Variants in SAMSN1 observed in about 807,000 individuals in gnomAD.
SAMSN1 encodes the protein SAM domain-containing protein SAMSN-1.
SAMSN1 carries 31 observed loss-of-function variants against 42.0 expected under a neutral mutation model. The ratio of observed to expected loss-of-function variants is 0.74; its 90% confidence interval spans 0.55 to 1.00. The LOEUF is 1.00. Among genes scored for constraint, SAMSN1 ranks in the 50% least tolerant of loss-of-function variants. The pLI is 0.00. For missense variants in SAMSN1, 464 were observed against 439.4 expected, an observed-to-expected ratio of 1.06 and a Z score of -0.50; for synonymous variants, 178 against 151.9, an observed-to-expected ratio of 1.17 and a Z score of -1.26.
intron 1 of SAMSN1, among the ~76,000 whole-genome samples, chr21:14,538,880 T>G (rs1299172927): frequency 6.6e-6 from 1 of 152,206 alleles, no homozygotes; most frequent in Non-Finnish European, 1.5e-5. Context: ...TTTCCAGAAC[T>G]GTCATTATTC....
At chr21:14,570,108 C>A (rs556768087) in intron 2 of SAMSN1, among the ~76,000 whole-genome samples, 1 of 152,038 alleles carries the variant, frequency 6.6e-6, no homozygotes, top group Non-Finnish European at 1.5e-5. Flanking sequence ...ACTAAGTGCC[C>A]TTTGCGGGTG....
intron 2 of SAMSN1, among the ~76,000 whole-genome samples, chr21:14,578,054 A>G (rs938706316): frequency 2.6e-5 from 4 of 152,308 alleles, no homozygotes; most frequent in East Asian, 1.9e-4. Flanking sequence ...AAATGTTCCA[A>G]TCTTACAGAC....
chr21:14,498,792 T>C (rs938214907), intron 6 of SAMSN1, among the ~76,000 whole-genome samples, 200 bp from the exon 7 acceptor site: 7 of 152,230 alleles, frequency 4.6e-5, no homozygotes, highest in African/African-American at 1.7e-4. Context: ...TCTCGCCTTT[T>C]GGAAGGCCAA....
In SAMSN1 at chr21:14,498,430, G is replaced by A. The variant is rs1425949482; in HGVS notation, c.919+12C>T. On this transcript the variant is annotated intron_variant, in intron 7 of 7. Transcript: ENST00000400566. ...TTATCAGCTGGGGAGAAGAGTAGGT[G>A]TACACACTTACTTTCTTCTTCAAGG... is the stretch of plus-strand genomic sequence containing the variant. 3 of 1,605,424 alleles carry A rather than the reference G, an allele frequency of 1.9e-6. No individual in the cohort carries two copies. In the South Asian group the frequency reaches 3.4e-5, roughly 18 times the overall value.
chr21:14,491,790 G>A (rs1423804672), intron 7 of SAMSN1, among the ~76,000 whole-genome samples: 1 of 152,052 alleles, frequency 6.6e-6, no homozygotes, highest in Non-Finnish European at 1.5e-5. Context: ...ATTTTCAGCT[G>A]TTTTTAAAAG....
At chr21:14,630,915 A>G (rs1256399660) in intron 2 of SAMSN1, among the ~76,000 whole-genome samples, 1 of 152,210 alleles carries the variant, frequency 6.6e-6, no homozygotes, top group Non-Finnish European at 1.5e-5. Flanking sequence ...GTTTAAGCCA[A>G]GTAAGAAATG....
At chr21:14,500,838 G>T in intron 5 of SAMSN1, 103 bp from the exon 6 acceptor site, 1 of 881,798 alleles carries the variant, frequency 1.1e-6, no homozygotes, top group Non-Finnish European at 1.8e-6. Flanking sequence ...ATGCTAAAGG[G>T]GTTCAGATAT....
intron 6 of SAMSN1, among the ~76,000 whole-genome samples, chr21:14,601,666 T>G (rs1270045324): frequency 1.3e-5 from 2 of 152,166 alleles, no homozygotes; most frequent in Non-Finnish European, 2.9e-5. Flanking sequence ...TAATGCAGTT[T>G]TGAAAGGGAT....
intron 1 of SAMSN1, among the ~76,000 whole-genome samples, chr21:14,529,599 G>A (rs906105502): frequency 4.6e-5 from 7 of 152,134 alleles, no homozygotes; most frequent in Admixed American, 3.3e-4. Context: ...GAATAAATAA[G>A]AATCAACCGT....
Position 14,489,080 on chromosome 21 carries a change from T to A in SAMSN1, c.920-2966A>T, listed in dbSNP as rs1175437815. Among the ~76,000 whole-genome samples, 3 of 152,192 alleles carry A rather than the reference T, an allele frequency of 2.0e-5. No individual in the cohort carries two copies. The East Asian group carries it at 5.8e-4, about 29-fold the overall frequency. ...GTTTCTTTCCTGCAGAGGAGATGAA[T>A]TCACATTAATGCATCCACATTTTCT... On this transcript the variant is annotated intron_variant, in intron 7 of 7. Coordinates refer to ENST00000400566, the MANE Select transcript of SAMSN1 (RefSeq NM_022136.5).
intron 3 of SAMSN1, among the ~76,000 whole-genome samples, chr21:14,513,421 G>A (rs1344358361): frequency 6.6e-6 from 1 of 152,128 alleles, no homozygotes; most frequent in Non-Finnish European, 1.5e-5. Context: ...GTACTGAGCA[G>A]TGTTCTTGGA....
chr21:14,499,861 A>G (rs1328983579), intron 6 of SAMSN1, among the ~76,000 whole-genome samples: 1 of 152,218 alleles, frequency 6.6e-6, no homozygotes, highest in African/African-American at 2.4e-5. Context: ...GTGAATTTTG[A>G]AAACTATCAA....
At chr21:14,509,101 C>A (rs1379044595) in intron 5 of SAMSN1, among the ~76,000 whole-genome samples, 1 of 147,138 alleles carries the variant, frequency 6.8e-6, no homozygotes, top group Non-Finnish European at 1.5e-5. Context: ...GGTGACAGAG[C>A]AAGACTCCAT....
intron 1 of SAMSN1, among the ~76,000 whole-genome samples, chr21:14,653,634 A>G (rs1983869202): frequency 1.3e-5 from 2 of 152,044 alleles, no homozygotes. Context: ...TACATTTTAA[A>G]ATAATTTAAA....
chr21:14,603,739 A>T (rs1320472086), intron 5 of SAMSN1, among the ~76,000 whole-genome samples: 1 of 152,194 alleles, frequency 6.6e-6, no homozygotes, highest in Non-Finnish European at 1.5e-5. Context: ...GTAAATATAA[A>T]TATCTACAGG....
intron 1 of SAMSN1, among the ~76,000 whole-genome samples, chr21:14,525,825 T>C (rs1978811988): frequency 6.6e-6 from 1 of 152,188 alleles, no homozygotes; most frequent in Admixed American, 6.5e-5. Flanking sequence ...ATATAATAGC[T>C]AAAATTATTT....
chr21:14,619,234 T>G (rs1347401997), intron 2 of SAMSN1, among the ~76,000 whole-genome samples: 2 of 152,244 alleles, frequency 1.3e-5, no homozygotes, highest in Non-Finnish European at 2.9e-5. Context: ...CTTTATTGCT[T>G]TGTAAACCTC....
chr21:14,535,800 T>C (rs1979572768), intron 1 of SAMSN1, among the ~76,000 whole-genome samples: 1 of 152,112 alleles, frequency 6.6e-6, no homozygotes, highest in Non-Finnish European at 1.5e-5. Flanking sequence ...CCTTGAAAGC[T>C]CTCTGTGAAA....
At chr21:14,494,564 G>T (rs1396098725) in intron 7 of SAMSN1, among the ~76,000 whole-genome samples, 2 of 152,100 alleles carry the variant, frequency 1.3e-5, no homozygotes, top group Non-Finnish European at 2.9e-5. Context: ...TCAGGGGGTG[G>T]GGGGCTAGGG....
Sources: gnomAD v4.1 joint callset for allele counts (sites outside exome capture counted in the v4.1 genomes callset) on GRCh38, gnomAD v4.1.1 for gene constraint, MANE v1.5 for transcripts, NCBI Gene and HGNC (gene_info 2026-07-23, HGNC 2026-07-21) for gene names.